The following PRSS23 variants were observed in gnomAD, a reference collection of about 807,000 sequenced individuals.
PRSS23 encodes the protein serine protease 23.
PRSS23 carries 25 observed loss-of-function variants against 34.7 expected under a neutral mutation model. The observed-to-expected ratio is 0.72, with a 90% CI of 0.53 to 1.01. The LOEUF is 1.01. PRSS23 is among the 50% of genes least tolerant of loss of function. The probability of loss-of-function intolerance (pLI) is 0.00; values close to 1 mark genes in which losing one functional copy is unlikely to be tolerated. For missense variants in PRSS23, 445 were observed against 475.6 expected, an observed-to-expected ratio of 0.94 and a Z score of 0.60; for synonymous variants, 176 against 186.6, an observed-to-expected ratio of 0.94 and a Z score of 0.46.
chr11:86,823,824 G>A (rs1442389784), intron 2 of PRSS23, among the ~76,000 whole-genome samples: 1 of 151,776 alleles, frequency 6.6e-6, no homozygotes, highest in Non-Finnish European at 1.5e-5. Flanking sequence ...GGCTAACACG[G>A]TGAAACCCCG....
At chr11:86,926,371 T>C (rs1949081893) in intron 2 of PRSS23, among the ~76,000 whole-genome samples, 1 of 151,888 alleles carries the variant, frequency 6.6e-6, no homozygotes, top group East Asian at 1.9e-4. Flanking sequence ...CTCACAAAAA[T>C]AAATAAATAA....
At chr11:86,937,826 C>T (rs907586936) in intron 2 of PRSS23, 5 of 152,124 alleles carry the variant, frequency 3.3e-5, no homozygotes, top group Non-Finnish European at 5.9e-5. Context: ...TTTATGGACT[C>T]GCCTTTAATT....
intron 2 of PRSS23, among the ~76,000 whole-genome samples, chr11:86,873,270 A>AGTCGGGGTTTTC (rs1948698848): frequency 8.6e-6 from 1 of 116,060 alleles, no homozygotes; most frequent in Admixed American, 9.1e-5. Context: ...ATATATATAC[A>AGTCGGGGTTTTC]CACACATATA....
intron 2 of PRSS23, among the ~76,000 whole-genome samples, chr11:86,826,364 G>C (rs1039658378): frequency 1.3e-5 from 2 of 152,194 alleles, no homozygotes; most frequent in African/African-American, 4.8e-5. Flanking sequence ...CTTTGCTGAA[G>C]TTGCTTATCA....
At chr11:86,833,169 G>T in intron 2 of PRSS23, 2 of 921,232 alleles carry the variant, frequency 2.2e-6, no homozygotes, top group Non-Finnish European at 3.5e-6. Flanking sequence ...TCTGAGTCAG[G>T]CAGCCTGCAT....
chr11:86,863,795 A>G (rs1333760538), intron 2 of PRSS23, among the ~76,000 whole-genome samples: 2 of 152,186 alleles, frequency 1.3e-5, no homozygotes, highest in East Asian at 3.8e-4. Flanking sequence ...AGATGCAGAC[A>G]AAGCCACAAG....
chr11:86,867,453 A>G (rs1347846102), intron 2 of PRSS23, among the ~76,000 whole-genome samples: 1 of 152,226 alleles, frequency 6.6e-6, no homozygotes, highest in Non-Finnish European at 1.5e-5. Flanking sequence ...TGCCTTCATC[A>G]TCTTTGTAGA....
chr11:86,791,995 C>T (rs1245467443), intron 1 of PRSS23, among the ~76,000 whole-genome samples: 1 of 152,108 alleles, frequency 6.6e-6, no homozygotes, highest in Non-Finnish European at 1.5e-5. Context: ...TAATGAAATC[C>T]CTATAATCTC....
At chr11:86,912,032 C>T (rs1367826531) in intron 2 of PRSS23, 4 of 152,300 alleles carry the variant, frequency 2.6e-5, no homozygotes, top group Non-Finnish European at 5.9e-5. Flanking sequence ...CCGCCTCGGC[C>T]TCTCAAAGTG....
At chr11:86,874,653 G>A (rs1948710504) in intron 2 of PRSS23, among the ~76,000 whole-genome samples, 1 of 152,342 alleles carries the variant, frequency 6.6e-6, no homozygotes, top group East Asian at 1.9e-4. Flanking sequence ...GATTGCTACA[G>A]TTACCTATTG....
chr11:86,851,586 T>C (rs529076086), intron 2 of PRSS23, among the ~76,000 whole-genome samples: 4 of 152,334 alleles, frequency 2.6e-5, no homozygotes, highest in African/African-American at 9.6e-5. Context: ...CAAATGGGAA[T>C]TCACCCTTTT....
rs532289161 is a variant in PRSS23, at chr11:86,793,657, G to C, written c.-14+2462G>C. Among the ~76,000 whole-genome samples, 9 of 152,220 alleles carry C rather than the reference G, an allele frequency of 5.9e-5. No individual in the cohort carries two copies. In the East Asian group the frequency reaches 1.7e-3, roughly 29 times the overall value. ...GTAAAATTTCATGTACACTCACTGT[G>C]TCCTGTTCCTAGTGGCTGGCAAGCT... On this transcript the variant is annotated intron_variant, in intron 1 of 1. Transcript: ENST00000527521.
chr11:86,941,575 C>T (rs1233190158), intron 2 of PRSS23, among the ~76,000 whole-genome samples: 1 of 152,182 alleles, frequency 6.6e-6, no homozygotes, highest in East Asian at 1.9e-4. Flanking sequence ...TCTGTTTTGT[C>T]ATCTGCACTT....
intron 2 of PRSS23, among the ~76,000 whole-genome samples, chr11:86,874,680 T>C (rs947885): frequency 0.53 from 80,943 of 152,120 alleles, 22,768 homozygotes; most frequent in African/African-American, 0.72. Context: ...AACACACAAT[T>C]CCCAACTTTG....
chr11:86,821,153 T>C, intron 1 of PRSS23: 1 of 635,178 alleles, frequency 1.6e-6, no homozygotes, highest in Non-Finnish European at 2.4e-6. Context: ...TGCTTCACTT[T>C]CCCCAGAAAC....
intron 2 of PRSS23, among the ~76,000 whole-genome samples, chr11:86,905,660 A>T (rs1948937086): frequency 6.6e-6 from 1 of 152,198 alleles, no homozygotes; most frequent in African/African-American, 2.4e-5. Flanking sequence ...GTTTTCTTTA[A>T]CAAATACCTT....
At chr11:86,917,297 C>T (rs923324667) in intron 2 of PRSS23, among the ~76,000 whole-genome samples, 3 of 152,146 alleles carry the variant, frequency 2.0e-5, no homozygotes, top group Admixed American at 1.3e-4. Flanking sequence ...CCAGCCTGGG[C>T]GACAGAGTGA....
chr11:86,799,162 T>C (rs1003915226), upstream of PRSS23, among the ~76,000 whole-genome samples: 1 of 152,210 alleles, frequency 6.6e-6, no homozygotes, highest in African/African-American at 2.4e-5. Flanking sequence ...GGGAGGATAC[T>C]TGAGCCCAGG....
chr11:86,797,741 T>A (rs1362743990), upstream of PRSS23, among the ~76,000 whole-genome samples: 4 of 152,242 alleles, frequency 2.6e-5, no homozygotes. Flanking sequence ...GTGATAAATA[T>A]AACAATACCT....
Sources: gnomAD v4.1 joint callset for allele counts (sites outside exome capture counted in the v4.1 genomes callset) on GRCh38, gnomAD v4.1.1 for gene constraint, MANE v1.5 for transcripts, NCBI Gene and HGNC (gene_info 2026-07-23, HGNC 2026-07-21) for gene names.